Variants in DNASE1 observed in about 807,000 individuals in gnomAD.
DNASE1 encodes deoxyribonuclease 1.
DNASE1 carries 40 observed loss-of-function variants against 33.9 expected under a neutral mutation model. The observed-to-expected ratio is 1.18, with a 90% CI of 0.92 to 1.54. DNASE1 has a LOEUF of 1.54. Among genes scored for constraint, DNASE1 ranks in the 40% most tolerant of loss-of-function variants. The pLI, the probability that DNASE1 is intolerant of heterozygous loss-of-function variation, is 0.00. For missense variants in DNASE1, 518 were observed against 372.6 expected (o/e 1.39, Z -3.21); for synonymous variants, 216 against 160.0 (o/e 1.35, Z -2.64).
At chr16:3,649,687 C>T (rs1314492301) in intron 1 of DNASE1, among the ~76,000 whole-genome samples, 1 of 152,176 alleles carries the variant, frequency 6.6e-6, no homozygotes, top group African/African-American at 2.4e-5. Context: ...TAATAGTAAG[C>T]CAAAAGAAAT....
intron 1 of DNASE1, among the ~76,000 whole-genome samples, chr16:3,633,839 C>G (rs181441756): frequency 1.3e-5 from 2 of 152,166 alleles, no homozygotes; most frequent in Admixed American, 6.6e-5. Flanking sequence ...GACCGAGTCT[C>G]GCTCTGTCGC....
intron 1 of DNASE1, among the ~76,000 whole-genome samples, chr16:3,630,642 T>C (rs1244189359): frequency 6.6e-6 from 1 of 152,186 alleles, no homozygotes; most frequent in East Asian, 1.9e-4. Context: ...CTTATAGTAA[T>C]AGAGCCCTGC....
chr16:3,623,285 C>T (rs2041388301), intron 1 of DNASE1, among the ~76,000 whole-genome samples: 2 of 152,048 alleles, frequency 1.3e-5, no homozygotes, highest in Admixed American at 1.3e-4. Context: ...ATTGGCTAAC[C>T]ATATATAGAA....
chr16:3,630,335 C>A (rs1332244248), intron 1 of DNASE1, among the ~76,000 whole-genome samples: 1 of 152,122 alleles, frequency 6.6e-6, no homozygotes, highest in Non-Finnish European at 1.5e-5. Context: ...GCACACGCCA[C>A]CACACCTGGC....
At chr16:3,658,247 G>C (rs755763348), downstream of DNASE1, 1 of 1,602,240 alleles carries the variant, frequency 6.2e-7, no homozygotes, top group Non-Finnish European at 8.5e-7. Flanking sequence ...GGCAAGAGGA[G>C]AAACCCATTA....
upstream of DNASE1, among the ~76,000 whole-genome samples, chr16:3,639,848 G>C (rs2041981789): frequency 6.6e-6 from 1 of 152,170 alleles, no homozygotes; most frequent in African/African-American, 2.4e-5. Flanking sequence ...GATCATTTGA[G>C]CTCAGGAGTT....
chr16:3,616,324 A>C (rs2041102184), intron 1 of DNASE1, among the ~76,000 whole-genome samples: 1 of 152,230 alleles, frequency 6.6e-6, no homozygotes, highest in African/African-American at 2.4e-5. Context: ...CCGATGTTAA[A>C]ATTCATATGG....
downstream of DNASE1, chr16:3,662,682 G>C (rs1422107758): frequency 1.4e-6 from 1 of 695,680 alleles, no homozygotes; most frequent in Admixed American, 2.0e-5. Flanking sequence ...AGGGCTGGGA[G>C]AAAGACACGG....
chr16:3,658,239 C>T, downstream of DNASE1: 2 of 1,610,252 alleles, frequency 1.2e-6, no homozygotes, highest in Non-Finnish European at 1.7e-6. Flanking sequence ...ATCTGAAAGG[C>T]AAGAGGAGAA....
rs537696328 is a variant in DNASE1 at position 3,654,822 on chromosome 16, A to G, written c.-224A>G. 1.2e-5 allele frequency: 5 copies of G among 403,272 alleles called. No individual in the cohort carries two copies. The East Asian group carries it at 1.4e-4, about 11-fold the overall frequency. 25.0% of individuals were successfully genotyped at this position (403,272 alleles called of 1,614,324 possible). A position where few individuals can be genotyped will look rare whatever the true frequency, so the allele number is the denominator to read the frequency against. ...TGACGGCTCACATTTGCCCCAGGGA[A>G]GGTCACAGCTGCCTGAACTTTTAAA... On this transcript the variant is annotated 5_prime_UTR_variant, in exon 1 of 9. Coordinates refer to ENST00000246949, the MANE Select transcript of DNASE1 (RefSeq NM_005223.4).
upstream of DNASE1, chr16:3,654,605 C>A (rs1181094376): frequency 1.3e-5 from 5 of 398,694 alleles, no homozygotes; most frequent in African/African-American, 1.0e-4. Flanking sequence ...AGATGGGGGC[C>A]ACCACACGTG....
At chr16:3,629,652 G>T (rs76477664) in intron 1 of DNASE1, among the ~76,000 whole-genome samples, 8,059 of 152,234 alleles carry the variant, frequency 0.053, 271 homozygotes, top group Admixed American at 0.072. Flanking sequence ...AGAAGGGTTG[G>T]TACTACTAGT....
upstream of DNASE1, among the ~76,000 whole-genome samples, chr16:3,642,144 GC>G (rs1460902413): frequency 6.6e-6 from 1 of 152,220 alleles, no homozygotes; most frequent in African/African-American, 2.4e-5. Flanking sequence ...GCCCACGTCA[GC>G]CCCTCAGGAT....
downstream of DNASE1, chr16:3,658,323 G>A (rs2042843719): frequency 2.0e-6 from 2 of 992,044 alleles, no homozygotes; most frequent in Non-Finnish European, 3.1e-6. Context: ...TGCCGAGGCT[G>A]GAGTGCAGAG....
At chr16:3,617,812 C>T (rs896049649) in intron 1 of DNASE1, among the ~76,000 whole-genome samples, 1 of 151,896 alleles carries the variant, frequency 6.6e-6, no homozygotes, top group Non-Finnish European at 1.5e-5. Context: ...GAAAAGAGGC[C>T]CAAGAGAGAA....
downstream of DNASE1, chr16:3,659,872 C>G (rs1007596393): frequency 6.6e-6 from 1 of 152,120 alleles, no homozygotes; most frequent in South Asian, 2.1e-4. Flanking sequence ...GCCTCAGCCT[C>G]CCAAGTAACT....
Position 3,657,085 on chromosome 16 carries a change from G to C in DNASE1, c.523G>C (p.Asp175His). 6.2e-7 allele frequency: 1 copy of C among 1,614,144 alleles called. No individual in the cohort carries two copies. The highest frequency in any genetic ancestry group is 8.5e-7 in the Non-Finnish European group (1 of 1,180,028). ...CGACGCTCTCTATGACGTCTACCTG[G>C]ATGTCCAAGAGAAATGGGGCTTGGA... is the stretch of plus-strand genomic sequence containing the variant. ...EIDALYDVYL[D>H]VQEKWGLEDV... is the part of the protein sequence containing the mutation. The change falls in exon 6 of 9, where the codon GAT (aspartate) becomes CAT (histidine). Residue 175 changes from aspartate (D) to histidine (H), a missense_variant. By Grantham distance (81) the Asp-to-His change is moderately conservative. Coordinates refer to ENST00000246949, the MANE Select transcript of DNASE1 (RefSeq NM_005223.4).
In DNASE1 at chr16:3,654,893, A is replaced by T. The variant is rs2042495638; in HGVS notation, c.-153A>T. 1 of 434,176 alleles carries T rather than the reference A, an allele frequency of 2.3e-6. No homozygotes were observed. The highest frequency in any genetic ancestry group is 4.0e-6 in the Non-Finnish European group (1 of 248,388). The allele number at this position is 434,176 out of a possible 1,614,324, so 26.9% of individuals were successfully genotyped here. ...TGTGCAGGATCCGGAGCCCAGCAGCACTGCCAGGGCCTTGAAGTGCTTCTT... is the reference window on the plus strand; with the variant it reads ...TGTGCAGGATCCGGAGCCCAGCAGCTCTGCCAGGGCCTTGAAGTGCTTCTT... On this transcript the variant is annotated 5_prime_UTR_variant, in exon 1 of 9. Transcript: ENST00000246949.
At chr16:3,627,150 C>T (rs1170442994) in intron 1 of DNASE1, among the ~76,000 whole-genome samples, 2 of 151,962 alleles carry the variant, frequency 1.3e-5, no homozygotes, top group African/African-American at 4.8e-5. Context: ...AGACTACAGG[C>T]GTGAGCCACT....
Sources: gnomAD v4.1 joint callset for allele counts (sites outside exome capture counted in the v4.1 genomes callset) on GRCh38, gnomAD v4.1.1 for gene constraint, MANE v1.5 for transcripts, NCBI Gene and HGNC (gene_info 2026-07-23, HGNC 2026-07-21) for gene names.